ABTB3: variants seen among roughly 807,000 people sequenced by gnomAD.
ABTB3 encodes the protein ankyrin repeat- and BTB/POZ domain-containing protein 3.
At chr12:107,404,721 GC>G in the ABTB3 span, among the ~76,000 whole-genome samples, 1 of 152,278 alleles carries the variant, frequency 6.6e-6, no homozygotes, top group South Asian at 2.1e-4. Flanking sequence ...CGAGGCAGGT[GC>G]TTTTTCACTG....
the ABTB3 span, chr12:107,635,339 TAC>T: frequency 6.2e-7 from 1 of 1,612,792 alleles, no homozygotes; most frequent in Non-Finnish European, 8.5e-7. Flanking sequence ...CTACGGGCCC[TAC>T]CCCATCCCCA....
the ABTB3 span, among the ~76,000 whole-genome samples, chr12:107,598,706 G>C: frequency 6.6e-6 from 1 of 152,212 alleles, no homozygotes; most frequent in Non-Finnish European, 1.5e-5. Context: ...AGTACCAGAA[G>C]ACATGTAATA....
the ABTB3 span, chr12:107,320,086 G>A: frequency 1.4e-6 from 2 of 1,443,196 alleles, no homozygotes; most frequent in East Asian, 2.7e-5. Flanking sequence ...GTAAGTGTCT[G>A]CGCGGGTGCC....
chr12:107,626,341 A>ATG, the ABTB3 span, among the ~76,000 whole-genome samples: 1 of 107,866 alleles, frequency 9.3e-6, no homozygotes, highest in Non-Finnish European at 1.8e-5. Context: ...TACTATCGTC[A>ATG]TCTTTTTTTT....
At chr12:107,334,581 G>A in the ABTB3 span, among the ~76,000 whole-genome samples, 2 of 152,148 alleles carry the variant, frequency 1.3e-5, no homozygotes, top group South Asian at 4.1e-4. Flanking sequence ...GTGTCCAGGA[G>A]GACATGTTAA....
chr12:107,469,994 T>TCTCTCTCTC, the ABTB3 span, among the ~76,000 whole-genome samples: 3 of 64,064 alleles, frequency 4.7e-5, no homozygotes, highest in African/African-American at 2.2e-4. Flanking sequence ...CTTTCTTTCT[T>TCTCTCTCTC]TCTTTCTTTC....
the ABTB3 span, among the ~76,000 whole-genome samples, chr12:107,620,846 T>C: frequency 1.3e-5 from 2 of 152,172 alleles, no homozygotes; most frequent in African/African-American, 4.8e-5. Context: ...AAAATATCTT[T>C]GGGGTTTTTT....
the ABTB3 span, among the ~76,000 whole-genome samples, chr12:107,335,036 A>G: frequency 6.6e-6 from 1 of 152,116 alleles, no homozygotes; most frequent in African/African-American, 2.4e-5. Flanking sequence ...CTGTCATCCC[A>G]GTGCTTTGGG....
chr12:107,346,553 G>T, the ABTB3 span, among the ~76,000 whole-genome samples: 1 of 151,928 alleles, frequency 6.6e-6, no homozygotes, highest in Admixed American at 6.6e-5. Context: ...TCTGCCTCCC[G>T]GGTTCAAGCA....
chr12:107,647,573 A>T, the ABTB3 span, among the ~76,000 whole-genome samples: 1 of 152,238 alleles, frequency 6.6e-6, no homozygotes, highest in Non-Finnish European at 1.5e-5. Flanking sequence ...TTAAACACAC[A>T]TGCGAAAAGC....
At chr12:107,654,834 A>ACACACACACACACACG in the ABTB3 span, among the ~76,000 whole-genome samples, 6 of 148,578 alleles carry the variant, frequency 4.0e-5, no homozygotes, top group Non-Finnish European at 8.9e-5. Context: ...ACACACACAC[A>ACACACACACACACACG]CACACACACA....
the ABTB3 span, among the ~76,000 whole-genome samples, chr12:107,547,625 C>T: frequency 6.6e-6 from 1 of 152,160 alleles, no homozygotes; most frequent in Non-Finnish European, 1.5e-5. Context: ...CAAGAGTCAG[C>T]ACAAAACACA....
At chr12:107,331,806 G>A in the ABTB3 span, among the ~76,000 whole-genome samples, 20 of 152,300 alleles carry the variant, frequency 1.3e-4, no homozygotes, top group African/African-American at 4.8e-4. Flanking sequence ...GCCATTCTGC[G>A]GCTGCCATTG....
the ABTB3 span, among the ~76,000 whole-genome samples, chr12:107,653,527 AAAG>A: frequency 1.0e-3 from 156 of 150,832 alleles, 4 homozygotes; most frequent in African/African-American, 3.7e-3. Flanking sequence ...AAAAAAAAAA[AAAG>A]AAAGAAAGAA....
At chr12:107,478,412 A>G in the ABTB3 span, among the ~76,000 whole-genome samples, 6 of 152,184 alleles carry the variant, frequency 3.9e-5, no homozygotes, top group Non-Finnish European at 8.8e-5. Flanking sequence ...AATGCCTACC[A>G]TGCCTAGTCT....
chr12:107,484,296 G>A, the ABTB3 span, among the ~76,000 whole-genome samples: 2 of 152,256 alleles, frequency 1.3e-5, no homozygotes, highest in African/African-American at 4.8e-5. Context: ...CTCTGAAAAG[G>A]TGGCATTTGT....
At chr12:107,448,894 G>A in the ABTB3 span, among the ~76,000 whole-genome samples, 1 of 152,220 alleles carries the variant, frequency 6.6e-6, no homozygotes, top group Non-Finnish European at 1.5e-5. Context: ...TCATTGTGGG[G>A]CTCAGGACTG....
chr12:107,469,092 G>T, the ABTB3 span, among the ~76,000 whole-genome samples: 1 of 152,204 alleles, frequency 6.6e-6, no homozygotes, highest in Non-Finnish European at 1.5e-5. Flanking sequence ...TACCTGTGGG[G>T]CCTGAAGTGG....
At chr12:107,536,977 T>A in the ABTB3 span, among the ~76,000 whole-genome samples, 1 of 152,142 alleles carries the variant, frequency 6.6e-6, no homozygotes, top group African/African-American at 2.4e-5. Flanking sequence ...GATCAACCTA[T>A]GATGAATTCA....
Sources: gnomAD v4.1 joint callset for allele counts (sites outside exome capture counted in the v4.1 genomes callset) on GRCh38, gnomAD v4.1.1 for gene constraint, MANE v1.5 for transcripts, NCBI Gene and HGNC (gene_info 2026-07-23, HGNC 2026-07-21) for gene names.